ORMDL2: variants seen among roughly 807,000 people sequenced by gnomAD.
ORMDL2 encodes ORM1-like protein 2.
A neutral mutation model predicts 13.5 loss-of-function variants in ORMDL2; 11 were observed. The observed-to-expected ratio is 0.82, with a 90% CI of 0.51 to 1.35. The LOEUF (loss-of-function observed/expected upper bound fraction) is 1.35, where lower values mean the gene tolerates loss of function less well. Ranked by LOEUF, ORMDL2 falls within the 40% of genes most tolerant of loss-of-function variation. ORMDL2 has a pLI of 0.00. For synonymous variants in ORMDL2, 73 were observed against 76.5 expected, an observed-to-expected ratio of 0.95 and a Z score of 0.24; for missense variants, 160 against 191.1, an observed-to-expected ratio of 0.84 and a Z score of 0.96.
intron 1 of ORMDL2, chr12:55,818,644 T>C (rs1880578231): frequency 4.5e-6 from 1 of 220,424 alleles, no homozygotes; most frequent in Non-Finnish European, 9.2e-6. Context: ...CGCCTGGAAT[T>C]CTGGGTGTAC....
At chr12:55,819,218 A>G in intron 2 of ORMDL2, 45 bp downstream of exon 2, 1 of 1,594,902 alleles carries the variant, frequency 6.3e-7, no homozygotes, top group Non-Finnish European at 8.6e-7. Context: ...GGGTTTCCCA[A>G]CCAAAAGCAA....
chr12:55,821,823 C>T lies in ORMDL2; in HGVS notation c.*1428C>T, dbSNP rs754136727. 3.6e-5 allele frequency: 29 copies of T among 802,996 alleles called. No homozygotes were observed. The highest frequency in any genetic ancestry group is 1.7e-4 in the South Asian group (7 of 40,014). 49.7% of individuals were successfully genotyped at this position (802,996 alleles called of 1,614,324 possible). ...AGTAAGCTGAGATCACACCACTGCA[C>T]TCCAGCTGGGCAACAGAGCAAGACT... On this transcript the variant is annotated 3_prime_UTR_variant, in exon 4 of 4. Transcript: ENST00000243045.
intron 3 of ORMDL2, among the ~76,000 whole-genome samples, 174 bp downstream of exon 3, chr12:55,819,667 A>G (rs547039072): frequency 6.6e-6 from 1 of 152,230 alleles, no homozygotes; most frequent in East Asian, 1.9e-4. Flanking sequence ...ATTACAGTCA[A>G]TACTGTAATC....
Position 55,819,177 on chromosome 12 carries a change from A to G in ORMDL2, c.174+4A>G. 6.2e-7 allele frequency: 1 copy of G among 1,612,960 alleles called. No homozygotes were observed. Among genetic ancestry groups the G allele is most frequent in the South Asian group, 1.1e-5 (1 of 91,082 alleles). ...GACCAACGTCATCCATAACCTGGTG[A>G]GCACTAAACCACGCCCTTGTACCCA... On this transcript the variant is annotated splice_donor_region_variant and intron_variant, in intron 2 of 3. Coordinates refer to ENST00000243045, the MANE Select transcript of ORMDL2 (RefSeq NM_014182.5).
intron 3 of ORMDL2, 83 bp from the exon 4 acceptor site, chr12:55,820,177 T>C: frequency 2.3e-6 from 3 of 1,311,312 alleles, no homozygotes; most frequent in Non-Finnish European, 3.2e-6. Context: ...CTGGGAAACA[T>C]GGTGAGAACT....
chr12:55,818,076 G>T lies in ORMDL2; in HGVS notation c.-38G>T. The T allele has an allele frequency of 1.9e-6, 1 of 520,634 alleles. No homozygotes were observed. Among genetic ancestry groups the T allele is most frequent in the South Asian group, 1.5e-5 (1 of 65,154 alleles). The allele number at this position is 520,634 out of a possible 1,614,324, so 32.3% of individuals were successfully genotyped here. ...GGAGACTTCAGGTGTGGTAGCCGGCGCCGCGCCCATAGCCGGACGGGGATC... is the reference window on the plus strand; with the variant it reads ...GGAGACTTCAGGTGTGGTAGCCGGCTCCGCGCCCATAGCCGGACGGGGATC... On this transcript the variant is annotated 5_prime_UTR_variant, in exon 1 of 4. Coordinates refer to ENST00000243045, the MANE Select transcript of ORMDL2 (RefSeq NM_014182.5).
In ORMDL2 at chr12:55,820,912, C is replaced by T. The variant is rs1880648111; in HGVS notation, c.*517C>T. The T allele has an allele frequency of 6.5e-6, 1 of 154,314 alleles. No homozygotes were observed. Among genetic ancestry groups the T allele is most frequent in the African/African-American group, 2.4e-5 (1 of 41,434 alleles). The allele number at this position is 154,314 out of a possible 1,614,324, so 9.6% of individuals were successfully genotyped here. On this transcript the variant is annotated 3_prime_UTR_variant, in exon 4 of 4. Transcript: ENST00000243045. ...GGTGCCCTTCACTCTAAGCTTAACA[C>T]TTAGTAGGGAAGAGATTCTCAAATG... is the stretch of plus-strand genomic sequence containing the variant.
chr12:55,818,311 CG>C (rs1880569914), intron 1 of ORMDL2, 199 bp downstream of exon 1: 1 of 331,876 alleles, frequency 3.0e-6, no homozygotes. Flanking sequence ...GGGCAAGAGC[CG>C]CTTCCTAACC....
At chr12:55,820,213 G>T in intron 3 of ORMDL2, 47 bp from the exon 4 acceptor site, 1 of 1,554,260 alleles carries the variant, frequency 6.4e-7, no homozygotes, top group Non-Finnish European at 8.8e-7. Context: ...AAAAGAATAT[G>T]GATAGAGAAG....
At chr12:55,819,522 T>C (rs1484688598) in intron 3 of ORMDL2, 29 bp downstream of exon 3, 1 of 1,604,112 alleles carries the variant, frequency 6.2e-7, no homozygotes, top group Non-Finnish European at 8.5e-7. Flanking sequence ...TGAGATATGC[T>C]GGGTTAGAAA....
rs757759441 is a variant in ORMDL2, at chr12:55,819,413, A to C, written c.246A>C (p.Leu82=). 6.2e-7 allele frequency: 1 copy of C among 1,614,106 alleles called. No homozygotes were observed. The highest frequency in any genetic ancestry group is 8.5e-7 in the Non-Finnish European group (1 of 1,179,984). ...CTCCTGACCAAGGAAAGGCTCGGCT[A>C]CTGACACACTGGGAGCAAATGGACT... is the stretch of plus-strand genomic sequence containing the variant. ...FETPDQGKAR[L]LTHWEQMDYG... is the part of the protein sequence containing the mutation. The change falls in exon 3 of 4, where the codon CTA becomes CTC. Residue 82 remains leucine (L), a synonymous_variant. Transcript: ENST00000243045.
At chr12:55,819,637 C>G in intron 3 of ORMDL2, 144 bp downstream of exon 3, 2 of 685,816 alleles carry the variant, frequency 2.9e-6, no homozygotes, top group Non-Finnish European at 4.9e-6. Context: ...TCTAAGCCTA[C>G]AGAGAGCAGT....
Position 55,819,028 on chromosome 12 carries a change from T to A in ORMDL2, c.29T>A (p.Val10Glu), listed in dbSNP as rs373621124. Residue 10 changes from valine to glutamate, a missense_variant, in exon 2 of 4, where the codon GTA becomes GAA. Transcript: ENST00000243045. Reference protein sequence around the residue: MNVGVAHSEVNPNTRVMNSR... With the variant: MNVGVAHSEENPNTRVMNSR... The stretch of plus-strand genomic sequence containing the variant: ...AATGTGGGGGTGGCACACAGCGAAG[T>A]AAACCCCAACACCCGAGTGATGAAT... 12 of 1,613,898 alleles carry A rather than the reference T, an allele frequency of 7.4e-6. No homozygotes were observed. In the African/African-American group the frequency reaches 1.5e-4, roughly 20 times the overall value.
Position 55,819,017 on chromosome 12 carries a change from A to G in ORMDL2, c.18A>G (p.Ala6=), listed in dbSNP as rs922184183. 1.9e-6 allele frequency: 3 copies of G among 1,613,822 alleles called. No homozygotes were observed. Among genetic ancestry groups the G allele is most frequent in the African/African-American group, 2.7e-5 (2 of 74,914 alleles). Residue 6 remains alanine (A), a synonymous_variant, in exon 2 of 4, where the codon GCA becomes GCG. Transcript: ENST00000243045. MNVGV[A]HSEVNPNTRV... ...CGGCTAGGATGAATGTGGGGGTGGC[A>G]CACAGCGAAGTAAACCCCAACACCC...
Position 55,819,004 on chromosome 12 carries a change from A to G in ORMDL2, c.5A>G (p.Asn2Ser), listed in dbSNP as rs778987855. The change falls in exon 2 of 4, where the codon AAT (asparagine) becomes AGT (serine). Residue 2 changes from asparagine to serine, a missense_variant. Physicochemically the swap from Asn to Ser is conservative, Grantham distance 46. Coordinates refer to ENST00000243045, the MANE Select transcript of ORMDL2 (RefSeq NM_014182.5). Reference protein sequence around the residue: MNVGVAHSEVNP... With the variant: MSVGVAHSEVNP... ...TGATCCCCCATTACGGCTAGGATGA[A>G]TGTGGGGGTGGCACACAGCGAAGTA... is the stretch of plus-strand genomic sequence containing the variant. 2 of 1,612,654 alleles carry G rather than the reference A, an allele frequency of 1.2e-6. No individual in the cohort carries two copies. The highest frequency in any genetic ancestry group is 1.7e-6 in the Non-Finnish European group (2 of 1,178,748).
At chr12:55,819,296 A>C in intron 2 of ORMDL2, 46 bp from the exon 3 acceptor site, 1 of 1,595,282 alleles carries the variant, frequency 6.3e-7, no homozygotes, top group Non-Finnish European at 8.6e-7. Context: ...TCTTTGACTG[A>C]AAAACTACTT....
At chr12:55,818,918 TGA>T in intron 1 of ORMDL2, 79 bp from the exon 2 acceptor site, 1 of 1,257,038 alleles carries the variant, frequency 8.0e-7, no homozygotes, top group Non-Finnish European at 1.1e-6. Flanking sequence ...TGGGGCTATC[TGA>T]GAGACAACTG....
chr12:55,820,240 C>T lies in ORMDL2; in HGVS notation c.327-20C>T, dbSNP rs1302786435. 1 of 1,601,724 alleles carries T rather than the reference C, an allele frequency of 6.2e-7. No homozygotes were observed. On this transcript the variant is annotated intron_variant, in intron 3 of 3. Coordinates refer to ENST00000243045, the MANE Select transcript of ORMDL2 (RefSeq NM_014182.5). ...ATAGAGAAGGTCAACCTCACTCACC[C>T]TATTTTTTTCTCTCCCCAGCTATCT...
chr12:55,818,609 G>T lies in ORMDL2; in HGVS notation c.-1-390G>T, dbSNP rs1880577509. 5 of 199,534 alleles carry T rather than the reference G, an allele frequency of 2.5e-5. No homozygotes were observed. The South Asian group carries it at 4.4e-4, about 17-fold the overall frequency. The allele number at this position is 199,534 out of a possible 1,614,324, so 12.4% of individuals were successfully genotyped here. A position where few individuals can be genotyped will look rare whatever the true frequency, so the allele number is the denominator to read the frequency against. Reference sequence around the variant, plus strand: ...CTTTACTCTGTCATCCCTTCTTAGTGGTTCTTTGATGATTCCATGACTTTC... The same window carrying T: ...CTTTACTCTGTCATCCCTTCTTAGTTGTTCTTTGATGATTCCATGACTTTC... On this transcript the variant is annotated intron_variant, in intron 1 of 3. Transcript: ENST00000243045.
Sources: gnomAD v4.1 joint callset for allele counts (sites outside exome capture counted in the v4.1 genomes callset) on GRCh38, gnomAD v4.1.1 for gene constraint, MANE v1.5 for transcripts, NCBI Gene and HGNC (gene_info 2026-07-23, HGNC 2026-07-21) for gene names.